Variants in ASPRV1 observed in about 807,000 individuals in gnomAD.
ASPRV1 encodes the protein retroviral-like aspartic protease 1.
In ASPRV1, 7 loss-of-function variants were observed where a neutral mutation model predicts 11.0. That is an observed-to-expected ratio of 0.64 (90% CI 0.36 to 1.20). The LOEUF (loss-of-function observed/expected upper bound fraction) is 1.20. ASPRV1 is among the 50% of genes most tolerant of loss of function. ASPRV1 has a pLI of 0.02. For synonymous variants in ASPRV1, 136 were observed against 138.4 expected, an observed-to-expected ratio of 0.98 and a Z score of 0.12; for missense variants, 299 against 320.0, an observed-to-expected ratio of 0.93 and a Z score of 0.50.
At chr2:70,066,196 T>C in the ASPRV1 span, among the ~76,000 whole-genome samples, 1 of 151,876 alleles carries the variant, frequency 6.6e-6, no homozygotes, top group South Asian at 2.1e-4. Context: ...AGACAGAGAC[T>C]CTGTCTCCAA....
chr2:70,019,768 A>T, the ASPRV1 span, among the ~76,000 whole-genome samples: 1 of 152,128 alleles, frequency 6.6e-6, no homozygotes, highest in Non-Finnish European at 1.5e-5. Context: ...GCGGGTGGGG[A>T]GATTGGAAGG....
At chr2:70,024,011 G>A in the ASPRV1 span, among the ~76,000 whole-genome samples, 2 of 151,644 alleles carry the variant, frequency 1.3e-5, no homozygotes, top group East Asian at 3.9e-4. Context: ...AGCACTTTAG[G>A]AGGCGAGGAC....
chr2:70,052,170 T>C, the ASPRV1 span, among the ~76,000 whole-genome samples: 7 of 152,142 alleles, frequency 4.6e-5, no homozygotes, highest in South Asian at 2.1e-4. Context: ...GAGAAAAATA[T>C]AGAAGGGAAG....
upstream of ASPRV1, chr2:69,964,335 C>A (rs1678261401): frequency 2.2e-6 from 1 of 455,850 alleles, no homozygotes; most frequent in African/African-American, 2.0e-5. Flanking sequence ...TCTGGGACCT[C>A]CACAACAGAA....
the ASPRV1 span, chr2:69,971,181 GCT>G: frequency 6.6e-6 from 1 of 151,710 alleles, no homozygotes; most frequent in Non-Finnish European, 1.5e-5. Flanking sequence ...AAAAAAAGTT[GCT>G]TTTTTTTACT....
upstream of ASPRV1, chr2:69,961,757 G>T (rs1174587974): frequency 2.4e-5 from 36 of 1,481,254 alleles, no homozygotes; most frequent in African/African-American, 4.2e-5. Flanking sequence ...CGGACTAGCA[G>T]GATGGGTGCC....
chr2:69,954,003 C>A, the ASPRV1 span, among the ~76,000 whole-genome samples: 6 of 152,244 alleles, frequency 3.9e-5, no homozygotes, highest in Admixed American at 6.5e-5. Flanking sequence ...CAGGCATGAG[C>A]CATCATGCCT....
the ASPRV1 span, among the ~76,000 whole-genome samples, chr2:70,044,820 G>A: frequency 1.9e-4 from 29 of 152,268 alleles, no homozygotes; most frequent in Admixed American, 8.5e-4. Flanking sequence ...GGTGCCACCA[G>A]CTCCAGTACA....
chr2:70,065,078 G>C, the ASPRV1 span, among the ~76,000 whole-genome samples: 1 of 151,344 alleles, frequency 6.6e-6, no homozygotes, highest in Admixed American at 6.6e-5. Flanking sequence ...CTGGGCAACA[G>C]AGCCAGACTC....
At chr2:69,936,542 G>C in the ASPRV1 span, among the ~76,000 whole-genome samples, 1 of 152,184 alleles carries the variant, frequency 6.6e-6, no homozygotes, top group Non-Finnish European at 1.5e-5. Flanking sequence ...ATTATGGTTA[G>C]AAGCCTGCAT....
the ASPRV1 span, chr2:70,019,234 T>C: frequency 6.6e-6 from 1 of 152,216 alleles, no homozygotes; most frequent in African/African-American, 2.4e-5. Flanking sequence ...CTTGTTAGAA[T>C]GGCTATTGCA....
At chr2:69,945,408 C>T in the ASPRV1 span, among the ~76,000 whole-genome samples, 22 of 152,244 alleles carry the variant, frequency 1.4e-4, no homozygotes, top group African/African-American at 5.3e-4. Flanking sequence ...GTTCAGGGCT[C>T]AGCCCAAACT....
chr2:69,989,652 AAAC>A, the ASPRV1 span, among the ~76,000 whole-genome samples: 10 of 152,254 alleles, frequency 6.6e-5, no homozygotes, highest in Non-Finnish European at 1.3e-4. Context: ...GAGCACGGGA[AAAC>A]AAGATGCTGA....
the ASPRV1 span, among the ~76,000 whole-genome samples, chr2:70,006,817 G>C: frequency 6.6e-6 from 1 of 152,108 alleles, no homozygotes; most frequent in Admixed American, 6.6e-5. Context: ...ACATACCCTT[G>C]ACCTAGCAGG....
At chr2:70,072,077 G>A in the ASPRV1 span, among the ~76,000 whole-genome samples, 23 of 151,870 alleles carry the variant, frequency 1.5e-4, no homozygotes, top group East Asian at 2.6e-3. Flanking sequence ...TCAGCCTCCC[G>A]AGTAGGTAGG....
the ASPRV1 span, among the ~76,000 whole-genome samples, chr2:69,992,588 CT>C: frequency 2.0e-5 from 3 of 152,218 alleles, no homozygotes; most frequent in African/African-American, 7.2e-5. Context: ...TCCTCTACCC[CT>C]CACATTATTC....
At chr2:70,061,366 G>C in the ASPRV1 span, among the ~76,000 whole-genome samples, 1 of 148,484 alleles carries the variant, frequency 6.7e-6, no homozygotes, top group South Asian at 2.1e-4. Context: ...CTGCACTCCA[G>C]CCTGGGTGAT....
the ASPRV1 span, among the ~76,000 whole-genome samples, chr2:70,000,123 A>G: frequency 2.6e-5 from 4 of 152,324 alleles, no homozygotes; most frequent in South Asian, 8.3e-4. Flanking sequence ...TGGATATTTT[A>G]GATTCATGAA....
At chr2:69,972,598 T>G in the ASPRV1 span, among the ~76,000 whole-genome samples, 1 of 152,164 alleles carries the variant, frequency 6.6e-6, no homozygotes, top group Non-Finnish European at 1.5e-5. Flanking sequence ...CCTCAGGTGA[T>G]CTGCCTGCCT....
Sources: allele counts gnomAD v4.1 joint callset (sites outside exome capture counted in the v4.1 genomes callset), GRCh38; gene constraint gnomAD v4.1.1; transcripts MANE v1.5; gene names NCBI Gene and HGNC (gene_info 2026-07-23, HGNC 2026-07-21).